Variants in DOCK10 observed in about 807,000 individuals in gnomAD.
DOCK10 encodes the protein dedicator of cytokinesis protein 10.
DOCK10 carries 145 observed loss-of-function variants against 280.1 expected under a neutral mutation model. The observed-to-expected ratio is 0.52, with a 90% CI of 0.45 to 0.59. DOCK10 has a LOEUF of 0.59. Among genes scored for constraint, DOCK10 ranks in the 20% least tolerant of loss-of-function variants. DOCK10 has a pLI of 0.00. For synonymous variants in DOCK10, 915 were observed against 942.2 expected (o/e 0.97, Z 0.53); for missense variants, 2,368 against 2,651.7 (o/e 0.89, Z 2.35).
intron 3 of DOCK10, among the ~76,000 whole-genome samples, chr2:224,908,166 TTG>T (rs369490326): frequency 4.4e-5 from 6 of 136,330 alleles, no homozygotes; most frequent in South Asian, 2.4e-4. Flanking sequence ...TTTAAATGAG[TTG>T]TGTGTGTGTG....
intron 1 of DOCK10, among the ~76,000 whole-genome samples, chr2:224,990,361 T>C (rs867856381): frequency 1.3e-5 from 2 of 152,196 alleles, no homozygotes; most frequent in African/African-American, 2.4e-5. Context: ...TGTAAATCCC[T>C]GTTGAGCTGT....
intron 27 of DOCK10, among the ~76,000 whole-genome samples, chr2:224,826,709 C>T (rs766520727): frequency 5.3e-5 from 8 of 150,828 alleles, no homozygotes; most frequent in Non-Finnish European, 8.9e-5. Flanking sequence ...GGCAACATGA[C>T]GAAACCCCAT....
intron 1 of DOCK10, among the ~76,000 whole-genome samples, chr2:224,993,959 G>C (rs1706199007): frequency 6.6e-6 from 1 of 152,144 alleles, no homozygotes; most frequent in Non-Finnish European, 1.5e-5. Flanking sequence ...ATTATCTTAG[G>C]CAGTCTTGAT....
At chr2:224,907,629 A>C (rs1262848375) in intron 3 of DOCK10, among the ~76,000 whole-genome samples, 1 of 151,318 alleles carries the variant, frequency 6.6e-6, no homozygotes. Context: ...CGGAGCTTGC[A>C]GAGAGCTGAG....
At chr2:224,916,878 C>T (rs574958681) in intron 2 of DOCK10, 94 bp from the exon 3 acceptor site, 1 of 913,288 alleles carries the variant, frequency 1.1e-6, no homozygotes, top group African/African-American at 1.7e-5. Context: ...TCTTTTAGAT[C>T]TTAGTATTTA....
At chr2:224,986,546 G>T (rs1232523578) in intron 1 of DOCK10, among the ~76,000 whole-genome samples, 3 of 152,098 alleles carry the variant, frequency 2.0e-5, no homozygotes, top group African/African-American at 7.2e-5. Flanking sequence ...GTTTCATGAG[G>T]TCATAAGGGT....
intron 21 of DOCK10, 32 bp from the exon 22 acceptor site, chr2:224,844,871 G>C: frequency 7.1e-7 from 1 of 1,403,742 alleles, no homozygotes; most frequent in Non-Finnish European, 1.0e-6. Flanking sequence ...CTGTCACTGG[G>C]ACAATTCGAG....
At chr2:224,911,249 C>T (rs1700996969) in intron 3 of DOCK10, among the ~76,000 whole-genome samples, 1 of 151,996 alleles carries the variant, frequency 6.6e-6, no homozygotes, top group African/African-American at 2.4e-5. Flanking sequence ...AGAAATTTCC[C>T]CCAAGGAGCA....
At chr2:224,820,203 G>C (rs889083506) in intron 28 of DOCK10, among the ~76,000 whole-genome samples, 1 of 152,198 alleles carries the variant, frequency 6.6e-6, no homozygotes, top group African/African-American at 2.4e-5. Context: ...TCAGCGAGCT[G>C]CTTACTACCT....
chr2:224,845,789 T>C, intron 19 of DOCK10, 147 bp from the exon 20 acceptor site: 1 of 726,706 alleles, frequency 1.4e-6, no homozygotes. Flanking sequence ...AATGGCACGA[T>C]CTAGGCTCAC....
intron 23 of DOCK10, 113 bp downstream of exon 23, chr2:224,841,691 A>G (rs1288491333): frequency 1.1e-5 from 7 of 633,002 alleles, no homozygotes; most frequent in Non-Finnish European, 1.7e-5. Flanking sequence ...TAAGGTATTA[A>G]AAAATCTTGA....
Position 224,801,980 on chromosome 2 carries a change from T to C in DOCK10, c.4329A>G (p.Ile1443Met), listed in dbSNP as rs1449045316. ...TAGAAAGTGCATTTTTGCCTCGAAT[T>C]ATAGGTAAAGTTTGTGATCTGTGCT... ...HKQHRSQTLP[I>M]IRGKNALSNP... Residue 1443 changes from isoleucine to methionine, a missense_variant, in exon 40 of 56, where the codon ATA becomes ATG. This residue lies in a region of DOCK10 where 1,159 missense variants were observed against 1,400.8 expected (regional missense o/e 0.83). Coordinates refer to ENST00000258390, the MANE Select transcript of DOCK10 (RefSeq NM_014689.3). 2 of 1,613,158 alleles carry C rather than the reference T, an allele frequency of 1.2e-6. No homozygotes were observed. Among genetic ancestry groups the C allele is most frequent in the South Asian group, 1.1e-5 (1 of 91,064 alleles).
At chr2:224,851,229 T>C (rs532917526) in intron 18 of DOCK10, among the ~76,000 whole-genome samples, 19 of 152,320 alleles carry the variant, frequency 1.2e-4, no homozygotes, top group Admixed American at 3.9e-4. Context: ...CTCTGTGTGG[T>C]ATTTTAGAAT....
At chr2:224,838,995 C>T (rs983451987) in intron 24 of DOCK10, among the ~76,000 whole-genome samples, 1 of 152,186 alleles carries the variant, frequency 6.6e-6, no homozygotes, top group African/African-American at 2.4e-5. Context: ...TGCAACCACC[C>T]TGCCCCCCAG....
intron 14 of DOCK10, among the ~76,000 whole-genome samples, chr2:224,859,887 T>G (rs1025056424): frequency 3.9e-5 from 6 of 152,224 alleles, no homozygotes; most frequent in Non-Finnish European, 8.8e-5. Context: ...GTTTCCACAT[T>G]GTGAAAGAGA....
intron 8 of DOCK10, 63 bp downstream of exon 8, chr2:224,875,975 T>C: frequency 2.6e-6 from 4 of 1,530,870 alleles, no homozygotes; most frequent in East Asian, 4.5e-5. Flanking sequence ...CTAGCAGCTT[T>C]AGTGAACCAA....
At chr2:224,888,590 AAT>A (rs1221327314) in intron 4 of DOCK10, among the ~76,000 whole-genome samples, 1 of 151,758 alleles carries the variant, frequency 6.6e-6, no homozygotes, top group Non-Finnish European at 1.5e-5. Flanking sequence ...TACGTGTGTG[AAT>A]ATATATGTGT....
intron 7 of DOCK10, among the ~76,000 whole-genome samples, chr2:224,877,759 T>C (rs999995840): frequency 1.3e-5 from 2 of 152,188 alleles, no homozygotes; most frequent in African/African-American, 2.4e-5. Context: ...GAACAAATTG[T>C]TACAATTTTA....
At chr2:224,987,571 A>G (rs1398061100) in intron 1 of DOCK10, among the ~76,000 whole-genome samples, 1 of 152,176 alleles carries the variant, frequency 6.6e-6, no homozygotes, top group Non-Finnish European at 1.5e-5. Flanking sequence ...GATGGGGTGT[A>G]TATCTAGTTG....
Sources: allele counts gnomAD v4.1 joint callset (sites outside exome capture counted in the v4.1 genomes callset), GRCh38; gene constraint gnomAD v4.1.1; regional missense constraint gnomAD v4.1.1; transcripts MANE v1.5; gene names NCBI Gene and HGNC (gene_info 2026-07-23, HGNC 2026-07-21).